Variants in TRPV3 observed in about 807,000 individuals in gnomAD.
TRPV3 encodes the protein VRL-3.
A neutral mutation model predicts 87.1 loss-of-function variants in TRPV3; 88 were observed. That is an observed-to-expected ratio of 1.01 (90% CI 0.85 to 1.21). The LOEUF is 1.21. Among genes scored for constraint, TRPV3 ranks in the 50% most tolerant of loss-of-function variants. The pLI, the probability that TRPV3 is intolerant of heterozygous loss-of-function variation, is 0.00. For missense variants in TRPV3, 1,054 were observed against 1,030.1 expected (o/e 1.02, Z -0.32); for synonymous variants, 438 against 423.3 (o/e 1.03, Z -0.43).
chr17:3,523,796 A>G (rs2074268459), intron 13 of TRPV3, among the ~76,000 whole-genome samples: 1 of 151,816 alleles, frequency 6.6e-6, no homozygotes. Flanking sequence ...TGCATGGTAT[A>G]TTTTCATTAT....
intron 16 of TRPV3, 97 bp downstream of exon 16, chr17:3,516,360 C>T: frequency 1.1e-6 from 1 of 938,268 alleles, no homozygotes; most frequent in Non-Finnish European, 1.7e-6. Flanking sequence ...TTATGGTTAG[C>T]AAGTGGCGGC....
Position 3,535,723 on chromosome 17 carries a change from G to A in TRPV3, c.644-10C>T, listed in dbSNP as rs758888685. 3 of 1,481,488 alleles carry A rather than the reference G, an allele frequency of 2.0e-6. No individual in the cohort carries two copies. Among genetic ancestry groups the A allele is most frequent in the African/African-American group, 1.4e-5 (1 of 69,012 alleles). 91.8% of individuals were successfully genotyped at this position (1,481,488 alleles called of 1,614,324 possible). A position where few individuals can be genotyped will look rare whatever the true frequency, so the allele number is the denominator to read the frequency against. Reference sequence around the variant, plus strand: ...TTCAGCGCCGTCTGCCCTGCGGAGCGGGCGGGGACGCGCGGGAGCCTCAGC... The same window carrying A: ...TTCAGCGCCGTCTGCCCTGCGGAGCAGGCGGGGACGCGCGGGAGCCTCAGC... On this transcript the variant is annotated splice_polypyrimidine_tract_variant and intron_variant, in intron 6 of 17. Coordinates refer to ENST00000576742, the MANE Select transcript of TRPV3 (RefSeq NM_145068.4).
At position 3,518,114 on chromosome 17, in the gene TRPV3, C is replaced by T. The variant is rs956052387; in HGVS notation, c.2085+462G>A. Among the ~76,000 whole-genome samples the T allele has an allele frequency of 2.0e-5, 3 of 152,046 alleles. No individual in the cohort carries two copies. Among genetic ancestry groups the T allele is most frequent in the Non-Finnish European group, 2.9e-5 (2 of 68,004 alleles). On this transcript the variant is annotated intron_variant, in intron 15 of 17. Transcript: ENST00000576742. The surrounding 1 kb of genome is among the most constrained non-coding windows in gnomAD (Gnocchi z 4.3). ...GATTACAGGGGTGAGCCACCATGCC[C>T]GGCCGCCAACCACCATTTCTTAAGA...
chr17:3,529,700 T>C (rs1402401685), intron 9 of TRPV3, among the ~76,000 whole-genome samples: 2 of 151,896 alleles, frequency 1.3e-5, no homozygotes, highest in Non-Finnish European at 2.9e-5. Context: ...AGAAACAATA[T>C]GGAAAGGATC....
rs192150116 is a variant in TRPV3 at position 3,531,314 on chromosome 17, A to G, written c.1066-1111T>C. 5.7e-3 allele frequency among the ~76,000 whole-genome samples: 862 copies of G among 152,250 alleles called. 6 individuals are homozygous for G. The highest frequency in any genetic ancestry group is 8.2e-3 in the Non-Finnish European group (555 of 67,990). ...GACCCAAGAGGAAGGGACTGTTGGG[A>G]AGGACAGTGTCAGAGACCTGGCCTC... On this transcript the variant is annotated intron_variant, in intron 8 of 17. Transcript: ENST00000576742.
In TRPV3 at chr17:3,526,882, G is replaced by C; in HGVS notation, c.1549C>G (p.Leu517Val). ...LLRPSDLQSI[L>V]SDAWFHFVFF... is the part of the protein sequence containing the mutation. Reference sequence around the variant, plus strand: ...ACAAAGTGGAACCAGGCATCCGAGAGGATGGACTGCAGATCCGAGGGTCTC... The same window carrying C: ...ACAAAGTGGAACCAGGCATCCGAGACGATGGACTGCAGATCCGAGGGTCTC... The change falls in exon 12 of 18, where the codon CTC becomes GTC. Residue 517 changes from leucine to valine, a missense_variant. Leu to Val is a conservative substitution (Grantham distance 32). Coordinates refer to ENST00000576742, the MANE Select transcript of TRPV3 (RefSeq NM_145068.4). 2 of 1,612,192 alleles carry C rather than the reference G, an allele frequency of 1.2e-6. No homozygotes were observed. Among genetic ancestry groups the C allele is most frequent in the Non-Finnish European group, 1.7e-6 (2 of 1,179,320 alleles).
At chr17:3,520,923 T>C (rs746587574) in intron 14 of TRPV3, 50 bp downstream of exon 14, 1 of 1,323,420 alleles carries the variant, frequency 7.6e-7, no homozygotes, top group South Asian at 1.2e-5. Context: ...TTGACATCTG[T>C]ATAAAGTGTT....
At chr17:3,527,600 T>G in intron 11 of TRPV3, 1 of 230,640 alleles carries the variant, frequency 4.3e-6, no homozygotes, top group Non-Finnish European at 8.6e-6. Flanking sequence ...GAAGGATGGA[T>G]GGATGGATGG....
intron 2 of TRPV3, among the ~76,000 whole-genome samples, chr17:3,549,298 T>C (rs1031031820): frequency 1.3e-5 from 2 of 152,228 alleles, no homozygotes; most frequent in Non-Finnish European, 2.9e-5. Flanking sequence ...TTTCTGCAGC[T>C]GAGGATACAG....
At chr17:3,527,220 C>A (rs541005804) in intron 11 of TRPV3, among the ~76,000 whole-genome samples, 4 of 152,318 alleles carry the variant, frequency 2.6e-5, no homozygotes, top group African/African-American at 9.6e-5. Flanking sequence ...TTCCCCACAT[C>A]CAGCCTAGCG....
In TRPV3 at chr17:3,514,030, T is replaced by C. The variant is rs373059427; in HGVS notation, c.2279-19A>G. ...TTGAAATCTGCTTTTTAAAAAAATA[T>C]ATATTTTAGAAATATATCACTCTGC... On this transcript the variant is annotated intron_variant, in intron 17 of 17. Transcript: ENST00000576742. 55 of 1,578,560 alleles carry C rather than the reference T, an allele frequency of 3.5e-5. No individual in the cohort carries two copies. Among genetic ancestry groups the C allele is most frequent in the Non-Finnish European group, 4.4e-5 (51 of 1,154,064 alleles).
At position 3,542,568 on chromosome 17, in the gene TRPV3, G is replaced by T. The variant is rs114258779; in HGVS notation, c.597C>A (p.Ile199=). 4.3e-6 allele frequency: 7 copies of T among 1,614,094 alleles called. No individual in the cohort carries two copies. The South Asian group carries it at 7.7e-5, about 18-fold the overall frequency. ...ACTCGGCGTTGATGAACCTGCCCAGGATGTCGTTCTCTTCAGCAAAGGCAA... is the reference window on the plus strand; with the variant it reads ...ACTCGGCGTTGATGAACCTGCCCAGTATGTCGTTCTCTTCAGCAAAGGCAA... ...ILLAFAEEND[I]LGRFINAEYT... The change falls in exon 6 of 18, where the codon ATC becomes ATA. Residue 199 remains isoleucine (I), a synonymous_variant. Transcript: ENST00000576742.
chr17:3,546,305 C>T (rs1228908973), intron 2 of TRPV3, among the ~76,000 whole-genome samples: 3 of 151,588 alleles, frequency 2.0e-5, no homozygotes, highest in East Asian at 2.0e-4. Context: ...AGACAGGCGT[C>T]GTGGTGCATG....
intron 2 of TRPV3, among the ~76,000 whole-genome samples, chr17:3,546,271 G>A (rs146497877): frequency 3.3e-3 from 505 of 151,916 alleles, no homozygotes; most frequent in African/African-American, 0.012. Flanking sequence ...GAGAAACCCC[G>A]TCTCTACAAA....
chr17:3,518,070 C>T lies in TRPV3; in HGVS notation c.2085+506G>A, dbSNP rs550250821. On this transcript the variant is annotated intron_variant, in intron 15 of 17. Coordinates refer to ENST00000576742, the MANE Select transcript of TRPV3 (RefSeq NM_145068.4). The surrounding 1 kb of genome is among the most constrained non-coding windows in gnomAD (Gnocchi z 4.3). The stretch of plus-strand genomic sequence containing the variant: ...TTGACCTCAGGTGATCCACCCGCTT[C>T]GGCCTTCCAAAGTGCTAAGATTACA... 7.9e-5 allele frequency among the ~76,000 whole-genome samples: 12 copies of T among 152,168 alleles called. No homozygotes were observed. In the East Asian group the frequency reaches 1.2e-3, roughly 15 times the overall value.
Position 3,527,265 on chromosome 17 carries a change from C to T in TRPV3, c.1504-338G>A, listed in dbSNP as rs115492218. Reference sequence around the variant, plus strand: ...CCGAGCCTTTGCTCATGCTGTTCCCCATATCCACCCTGTAATGACCTTGTC... The same window carrying T: ...CCGAGCCTTTGCTCATGCTGTTCCCTATATCCACCCTGTAATGACCTTGTC... On this transcript the variant is annotated intron_variant, in intron 11 of 17. Coordinates refer to ENST00000576742, the MANE Select transcript of TRPV3 (RefSeq NM_145068.4). Among the ~76,000 whole-genome samples, 691 of 152,282 alleles carry T rather than the reference C, an allele frequency of 4.5e-3. 2 individuals carry two copies. The highest frequency in any genetic ancestry group is 0.016 in the African/African-American group (657 of 41,554).
Position 3,557,390 on chromosome 17 carries a change from G to A in TRPV3, c.-3+286C>T, listed in dbSNP as rs1421265109. ...AGGAGCCTCTCCTCTGCCCCCAGCA[G>A]TGGTGAGATTGAGATGTCCCTCCCC... On this transcript the variant is annotated intron_variant, in intron 1 of 17. Transcript: ENST00000576742. This position sits in a 1 kb window ranked among gnomAD's most constrained non-coding sequence, Gnocchi z 4.5. Among the ~76,000 whole-genome samples, 2 of 152,174 alleles carry A rather than the reference G, an allele frequency of 1.3e-5. No individual in the cohort carries two copies. Among genetic ancestry groups the A allele is most frequent in the African/African-American group, 4.8e-5 (2 of 41,432 alleles).
chr17:3,516,973 C>T (rs560472743), intron 15 of TRPV3, among the ~76,000 whole-genome samples: 13 of 152,020 alleles, frequency 8.6e-5, no homozygotes, highest in Non-Finnish European at 8.8e-5. Flanking sequence ...TGGCAAAAGC[C>T]GGTCTCTACT....
chr17:3,527,977 C>A (rs1202758746), intron 11 of TRPV3, 48 bp downstream of exon 11: 4 of 1,452,924 alleles, frequency 2.8e-6, no homozygotes, highest in Non-Finnish European at 2.9e-6. Flanking sequence ...GAGGCTGTCA[C>A]CTGCCTGCCT....
Sources: allele counts gnomAD v4.1 joint callset (sites outside exome capture counted in the v4.1 genomes callset), GRCh38; gene constraint gnomAD v4.1.1; non-coding constraint Gnocchi (gnomAD v3.1); transcripts MANE v1.5; gene names NCBI Gene and HGNC (gene_info 2026-07-23, HGNC 2026-07-21).